TNRC6A: variants seen among roughly 807,000 people sequenced by gnomAD.
The protein encoded by TNRC6A is trinucleotide repeat containing adaptor 6A, also known as trinucleotide repeat-containing gene 6A protein.
TNRC6A carries 44 observed loss-of-function variants against 221.2 expected under a neutral mutation model. The observed-to-expected ratio is 0.20, with a 90% CI of 0.16 to 0.26. The LOEUF is 0.26. Among genes scored for constraint, TNRC6A ranks in the 10% least tolerant of loss-of-function variants. The pLI is 1.00. For synonymous variants in TNRC6A, 847 were observed against 838.5 expected (o/e 1.01, Z -0.18); for missense variants, 2,199 against 2,404.4 (o/e 0.91, Z 1.79).
chr16:24,774,821 C>T (rs2057685853), intron 4 of TNRC6A, among the ~76,000 whole-genome samples: 1 of 152,098 alleles, frequency 6.6e-6, no homozygotes, highest in Non-Finnish European at 1.5e-5. Context: ...TGTTCAAGTC[C>T]CTTATATAAA....
At position 24,790,885 on chromosome 16, in the gene TNRC6A, A is replaced by G. The variant is rs118000672; in HGVS notation, c.2243A>G (p.Asn748Ser). Reference protein sequence around the residue: ...TSPRGERKTDNGTEAWGSSAT... With the variant: ...TSPRGERKTDSGTEAWGSSAT... ...CCTAGAGGGGAACGAAAGACTGACA[A>G]TGGGACAGAGGCCTGGGGAAGCTCT... Residue 748 changes from asparagine (N) to serine (S), a missense_variant, in exon 6 of 25, where the codon AAT (asparagine) becomes AGT (serine). Coordinates refer to ENST00000395799, the MANE Select transcript of TNRC6A (RefSeq NM_014494.4). The G allele has an allele frequency of 2.2e-5, 35 of 1,614,038 alleles. No individual in the cohort carries two copies. The highest frequency in any genetic ancestry group is 6.7e-5 in the Admixed American group (4 of 60,006).
At chr16:24,772,346 G>C (rs79357711) in intron 4 of TNRC6A, among the ~76,000 whole-genome samples, 1 of 152,098 alleles carries the variant, frequency 6.6e-6, no homozygotes, top group East Asian at 1.9e-4. Context: ...TTAGAGATAC[G>C]TGTTTCTTTT....
intron 1 of TNRC6A, among the ~76,000 whole-genome samples, chr16:24,623,303 A>G (rs1214846142): frequency 6.6e-6 from 1 of 151,850 alleles, no homozygotes; most frequent in Non-Finnish European, 1.5e-5. Flanking sequence ...GGCTCACGCC[A>G]TTCTCCTGCC....
intron 2 of TNRC6A, among the ~76,000 whole-genome samples, chr16:24,660,248 AG>A (rs2055000615): frequency 6.6e-6 from 1 of 151,920 alleles, no homozygotes; most frequent in Non-Finnish European, 1.5e-5. Context: ...TGTCCCCCTG[AG>A]TCCCCAAAGT....
chr16:24,706,798 C>T (rs1051882412), intron 2 of TNRC6A, among the ~76,000 whole-genome samples: 2 of 150,962 alleles, frequency 1.3e-5, no homozygotes, highest in African/African-American at 4.9e-5. Flanking sequence ...TGAGAAGCTA[C>T]TAAATGGTAA....
At chr16:24,675,696 CTCTCTCTATATATATA>C (rs1490404269) in intron 2 of TNRC6A, among the ~76,000 whole-genome samples, 13 of 76,096 alleles carry the variant, frequency 1.7e-4, no homozygotes, top group African/African-American at 4.9e-4. Flanking sequence ...CTCTCTCTCT[CTCTCTCTATATATATA>C]TATATATATA....
intron 2 of TNRC6A, among the ~76,000 whole-genome samples, chr16:24,741,144 A>C (rs1057513196): frequency 6.6e-6 from 1 of 152,138 alleles, no homozygotes; most frequent in Non-Finnish European, 1.5e-5. Context: ...ATGCTTACTC[A>C]CACACGCACT....
In TNRC6A at chr16:24,823,671, T is replaced by C. The variant is rs147808155; in HGVS notation, c.5753T>C (p.Leu1918Pro). 3.7e-6 allele frequency: 6 copies of C among 1,611,354 alleles called. No individual in the cohort carries two copies. In the African/African-American group the frequency reaches 6.7e-5, roughly 18 times the overall value. ...TGTGGAGACCTTCACGGCACTTCAC[T>C]CTGGGGGACCCCGCATTATTCCACA... ...TNCGDLHGTS[L>P]WGTPHYSTSL... Residue 1918 changes from leucine to proline, a missense_variant, in exon 25 of 25, where the codon CTC (leucine) becomes CCC (proline). Leu to Pro is a moderately conservative substitution (Grantham distance 98). Coordinates refer to ENST00000395799, the MANE Select transcript of TNRC6A (RefSeq NM_014494.4). The surrounding 1 kb of genome is among the most constrained non-coding windows in gnomAD (Gnocchi z 4.3).
At position 24,761,590 on chromosome 16, in the gene TNRC6A, G is replaced by A. The variant is rs145338562; in HGVS notation, c.163+3230G>A. Among the ~76,000 whole-genome samples the A allele has an allele frequency of 5.5e-4, 83 of 151,770 alleles. 1 individual carries two copies. The highest frequency in any genetic ancestry group is 1.2e-3 in the African/African-American group (51 of 41,358). ...TTTTTTTTTAAGGAGACAGGGTCTCGCTCTGGAGTGTAGTGCACAATCATA... is the reference window on the plus strand; with the variant it reads ...TTTTTTTTTAAGGAGACAGGGTCTCACTCTGGAGTGTAGTGCACAATCATA... On this transcript the variant is annotated intron_variant, in intron 4 of 24. Transcript: ENST00000395799.
rs1385863845 is a variant in TNRC6A, at chr16:24,789,507, C to G, written c.865C>G (p.Leu289Val). The change falls in exon 6 of 25, where the codon CTT (leucine) becomes GTT (valine). Residue 289 changes from leucine (L) to valine (V), a missense_variant. By Grantham distance (32) the Leu-to-Val change is conservative. Transcript: ENST00000395799. ...AGATGGCCTTCGGAATAGCACTGGA[C>G]TTGGTTCCCAAAACAAGTTTGTAGT... ...EKDGLRNSTGLGSQNKFVVGS... is the reference protein window; with the variant it reads ...EKDGLRNSTGVGSQNKFVVGS... 6.2e-7 allele frequency: 1 copy of G among 1,614,048 alleles called. No homozygotes were observed. The highest frequency in any genetic ancestry group is 1.3e-5 in the African/African-American group (1 of 74,900).
rs143332390 is a variant in TNRC6A, at chr16:24,759,376, A to G, written c.163+1016A>G. 2.7e-3 allele frequency among the ~76,000 whole-genome samples: 416 copies of G among 152,316 alleles called. 1 individual carries two copies. Among genetic ancestry groups the G allele is most frequent in the Non-Finnish European group, 3.3e-3 (223 of 68,024 alleles). On this transcript the variant is annotated intron_variant, in intron 4 of 24. Transcript: ENST00000395799. The stretch of plus-strand genomic sequence containing the variant: ...GCATTCAAGACTTAAGCAGAGTGAC[A>G]TGGTGCTTTGTTTTACGTTGTTTTC...
chr16:24,777,676 A>G (rs1030715394), intron 5 of TNRC6A, among the ~76,000 whole-genome samples: 1 of 152,206 alleles, frequency 6.6e-6, no homozygotes, highest in African/African-American at 2.4e-5. Flanking sequence ...CTGAGCAGTT[A>G]TACATATTAT....
chr16:24,748,836 A>G (rs2057072188), intron 2 of TNRC6A, among the ~76,000 whole-genome samples: 2 of 152,026 alleles, frequency 1.3e-5, no homozygotes, highest in Admixed American at 6.6e-5. Context: ...GCAGCTTCCA[A>G]AATGTCTAGT....
At chr16:24,639,680 C>T (rs117903743) in intron 1 of TNRC6A, among the ~76,000 whole-genome samples, 8,212 of 151,574 alleles carry the variant, frequency 0.054, 319 homozygotes, top group Non-Finnish European at 0.078. Flanking sequence ...CTCGCTCTAT[C>T]GCCCAGGCTT....
intron 18 of TNRC6A, among the ~76,000 whole-genome samples, chr16:24,810,889 G>A (rs111615327): frequency 7.2e-5 from 11 of 152,310 alleles, no homozygotes; most frequent in African/African-American, 2.4e-4. Flanking sequence ...ATTAAAAGCA[G>A]AAAAGCTTGG....
chr16:24,789,647 T>A lies in TNRC6A; in HGVS notation c.1005T>A (p.Ser335=), dbSNP rs2058053825. 1 of 1,614,174 alleles carries A rather than the reference T, an allele frequency of 6.2e-7. No homozygotes were observed. Among genetic ancestry groups the A allele is most frequent in the African/African-American group, 1.3e-5 (1 of 75,058 alleles). Residue 335 remains serine (S), a synonymous_variant, in exon 6 of 25, where the codon TCT becomes TCA. Coordinates refer to ENST00000395799, the MANE Select transcript of TNRC6A (RefSeq NM_014494.4). ...QVSVDAPESK[S]ESSNNRMNAW... ...CTGTGGATGCTCCTGAAAGCAAATC[T>A]GAAAGTAGCAACAATAGAATGAATG...
intron 2 of TNRC6A, among the ~76,000 whole-genome samples, chr16:24,695,815 A>C (rs2055847202): frequency 6.6e-6 from 1 of 152,078 alleles, no homozygotes; most frequent in African/African-American, 2.4e-5. Flanking sequence ...CCTGGTGGTT[A>C]ATTTGGCCAC....
At chr16:24,764,471 C>T (rs954320007) in intron 4 of TNRC6A, among the ~76,000 whole-genome samples, 10 of 151,652 alleles carry the variant, frequency 6.6e-5, no homozygotes, top group African/African-American at 2.2e-4. Flanking sequence ...GGATTACAGG[C>T]GCGTACCACC....
intron 2 of TNRC6A, among the ~76,000 whole-genome samples, chr16:24,693,353 G>A (rs888752622): frequency 5.3e-5 from 8 of 152,050 alleles, no homozygotes; most frequent in Non-Finnish European, 1.0e-4. Flanking sequence ...TTTGGAGGCC[G>A]AGGCAGGCAG....
Sources: gnomAD v4.1 joint callset for allele counts (sites outside exome capture counted in the v4.1 genomes callset) on GRCh38, gnomAD v4.1.1 for gene constraint, Gnocchi (gnomAD v3.1) non-coding constraint, MANE v1.5 for transcripts, NCBI Gene and HGNC (gene_info 2026-07-23, HGNC 2026-07-21) for gene names.